Variants in WWOX observed in about 807,000 individuals in gnomAD.
WWOX encodes the protein WW domain-containing oxidoreductase.
In WWOX, 69 loss-of-function variants were observed where a neutral mutation model predicts 46.2. The ratio of observed to expected loss-of-function variants is 1.49; its 90% CI spans 1.23 to 1.82. The LOEUF (loss-of-function observed/expected upper bound fraction) is 1.82. Among genes scored for constraint, WWOX ranks in the 40% most tolerant of loss-of-function variants. The probability of loss-of-function intolerance (pLI) is 0.00; values close to 1 mark genes in which losing one functional copy is unlikely to be tolerated. For missense variants in WWOX, 919 were observed against 542.6 expected (o/e 1.69, Z -6.89); for synonymous variants, 359 against 202.6 (o/e 1.77, Z -6.56).
intron 8 of WWOX, among the ~76,000 whole-genome samples, chr16:78,748,828 CT>C (rs1264995067): frequency 1.3e-5 from 2 of 152,204 alleles, no homozygotes; most frequent in Non-Finnish European, 2.9e-5. Context: ...TGCCCAAATC[CT>C]TGTAAAGCCA....
At chr16:78,399,910 C>G (rs983973245) in intron 6 of WWOX, among the ~76,000 whole-genome samples, 2 of 152,154 alleles carry the variant, frequency 1.3e-5, no homozygotes, top group African/African-American at 2.4e-5. Flanking sequence ...AGCCTAAAAA[C>G]TTGAATATAC....
chr16:78,292,627 T>A (rs11150055), intron 5 of WWOX, among the ~76,000 whole-genome samples: 34,132 of 151,192 alleles, frequency 0.23, 3,949 homozygotes, highest in South Asian at 0.29. Flanking sequence ...CTTTTTTTTT[T>A]AAAAAAAAGG....
At chr16:78,820,826 C>T (rs1293965107) in intron 8 of WWOX, among the ~76,000 whole-genome samples, 1 of 152,142 alleles carries the variant, frequency 6.6e-6, no homozygotes, top group East Asian at 1.9e-4. Context: ...AGAAACCATG[C>T]CATGCCTGTC....
chr16:78,755,632 G>A (rs999457062), intron 8 of WWOX, among the ~76,000 whole-genome samples: 1 of 152,180 alleles, frequency 6.6e-6, no homozygotes, highest in Non-Finnish European at 1.5e-5. Flanking sequence ...TTTGTCACCT[G>A]GAGGAACATC....
chr16:78,544,371 A>G lies in WWOX; in HGVS notation c.1056+111619A>G, dbSNP rs185957740. On this transcript the variant is annotated intron_variant, in intron 8 of 8. Coordinates refer to ENST00000566780, the MANE Select transcript of WWOX (RefSeq NM_016373.4). ...CTCTTCTGAACATTTTGCATTCTTT[A>G]TTTAATCTTCCCTACAACCTTATTA... 3.3e-3 allele frequency among the ~76,000 whole-genome samples: 505 copies of G among 152,216 alleles called. 1 individual carries two copies. Among genetic ancestry groups the G allele is most frequent in the Non-Finnish European group, 4.1e-3 (279 of 67,994 alleles).
intron 8 of WWOX, among the ~76,000 whole-genome samples, chr16:78,578,915 T>G (rs2044975657): frequency 6.6e-6 from 1 of 152,180 alleles, no homozygotes; most frequent in Non-Finnish European, 1.5e-5. Flanking sequence ...TGTAATGCTG[T>G]TGTAGCTTTG....
intron 5 of WWOX, among the ~76,000 whole-genome samples, chr16:78,230,220 C>T (rs561807264): frequency 6.6e-4 from 101 of 152,300 alleles, no homozygotes; most frequent in African/African-American, 2.3e-3. Context: ...ATCTAATACG[C>T]AGTGCCAGGG....
At chr16:79,114,992 A>G (rs1476704408) in intron 8 of WWOX, among the ~76,000 whole-genome samples, 1 of 152,234 alleles carries the variant, frequency 6.6e-6, no homozygotes, top group African/African-American at 2.4e-5. Flanking sequence ...GGAACATTGC[A>G]ATAAGCACAG....
At chr16:79,070,059 C>A (rs377557013) in intron 8 of WWOX, among the ~76,000 whole-genome samples, 1 of 152,072 alleles carries the variant, frequency 6.6e-6, no homozygotes, top group South Asian at 2.1e-4. Context: ...CAGAATATTC[C>A]TAATATAGTT....
At chr16:78,321,381 CGT>C (rs2080476039) in intron 5 of WWOX, among the ~76,000 whole-genome samples, 1 of 68,830 alleles carries the variant, frequency 1.5e-5, no homozygotes, top group Non-Finnish European at 2.6e-5. Flanking sequence ...CGTATATATG[CGT>C]ATATATATAC....
chr16:78,655,876 G>C (rs541303887), intron 8 of WWOX, among the ~76,000 whole-genome samples: 20 of 152,294 alleles, frequency 1.3e-4, no homozygotes, highest in Middle Eastern at 3.4e-3. Flanking sequence ...CTGTCTGTGT[G>C]TGTTCCTTTT....
At position 78,332,135 on chromosome 16, in the gene WWOX, G is replaced by C. The variant is rs1391090187; in HGVS notation, c.517-54725G>C. Among the ~76,000 whole-genome samples, 5 of 152,190 alleles carry C rather than the reference G, an allele frequency of 3.3e-5. No individual in the cohort carries two copies. The East Asian group carries it at 9.7e-4, about 29-fold the overall frequency. On this transcript the variant is annotated intron_variant, in intron 5 of 8. Transcript: ENST00000566780. ...TTTGGGTGTCCTGTGTTTGTACCTT[G>C]TTTTGTGCCCACCTACATCCTGGGT...
intron 8 of WWOX, among the ~76,000 whole-genome samples, chr16:79,084,715 C>G (rs2048822876): frequency 6.7e-6 from 1 of 148,690 alleles, no homozygotes; most frequent in East Asian, 2.1e-4. Flanking sequence ...ACCTGGAGGA[C>G]AAGTAATTTC....
chr16:78,354,368 C>T (rs2081243209), intron 5 of WWOX, among the ~76,000 whole-genome samples: 1 of 134,868 alleles, frequency 7.4e-6, no homozygotes, highest in African/African-American at 2.9e-5. Flanking sequence ...ATAGACTTTG[C>T]ACATATTGTC....
intron 8 of WWOX, among the ~76,000 whole-genome samples, chr16:79,131,857 A>G (rs950479425): frequency 3.3e-5 from 5 of 152,156 alleles, no homozygotes; most frequent in Non-Finnish European, 7.4e-5. Context: ...ATCATGGTGG[A>G]AGGCAAGGAG....
chr16:78,254,852 T>C (rs529764797), intron 5 of WWOX, among the ~76,000 whole-genome samples: 1 of 152,278 alleles, frequency 6.6e-6, no homozygotes, highest in East Asian at 1.9e-4. Context: ...AAGAGCCCTC[T>C]TGGGGCTCTG....
At chr16:78,633,305 G>A (rs749091891) in intron 8 of WWOX, among the ~76,000 whole-genome samples, 10 of 152,140 alleles carry the variant, frequency 6.6e-5, no homozygotes, top group Non-Finnish European at 1.3e-4. Flanking sequence ...GGATTGCAGA[G>A]CATAAGTATC....
chr16:79,004,435 G>C (rs548163480), intron 8 of WWOX: 3 of 152,332 alleles, frequency 2.0e-5, no homozygotes, highest in South Asian at 2.1e-4. Context: ...AAGTACGTGG[G>C]GGGCAGGCAA....
intron 5 of WWOX, among the ~76,000 whole-genome samples, chr16:78,384,836 C>T (rs1487326952): frequency 1.3e-5 from 2 of 152,146 alleles, no homozygotes; most frequent in East Asian, 3.9e-4. Flanking sequence ...TACCACCTTT[C>T]CTTAAAACTA....
Sources: gnomAD v4.1 joint callset for allele counts (sites outside exome capture counted in the v4.1 genomes callset) on GRCh38, gnomAD v4.1.1 for gene constraint, MANE v1.5 for transcripts, NCBI Gene and HGNC (gene_info 2026-07-23, HGNC 2026-07-21) for gene names.